Variants in SGCZ observed in about 807,000 individuals in gnomAD.
SGCZ encodes sarcoglycan zeta.
In SGCZ, 40 loss-of-function variants were observed where a neutral mutation model predicts 41.3. The observed-to-expected ratio is 0.97, with a 90% CI of 0.75 to 1.26. The LOEUF (loss-of-function observed/expected upper bound fraction) is 1.26, where lower values mean the gene tolerates loss of function less well. Among genes scored for constraint, SGCZ ranks in the 50% most tolerant of loss-of-function variants. The pLI is 0.00. For synonymous variants in SGCZ, 206 were observed against 137.5 expected (o/e 1.50, Z -3.49); for missense variants, 552 against 369.8 (o/e 1.49, Z -4.04).
intron 4 of SGCZ, among the ~76,000 whole-genome samples, chr8:14,223,161 T>C (rs181471086): frequency 2.0e-5 from 3 of 152,240 alleles, no homozygotes; most frequent in East Asian, 1.9e-4. Context: ...TTATCACAGA[T>C]ATATGGTTCC....
chr8:14,866,977 T>C (rs981452359), intron 1 of SGCZ, among the ~76,000 whole-genome samples: 4 of 152,094 alleles, frequency 2.6e-5, no homozygotes, highest in Non-Finnish European at 5.9e-5. Flanking sequence ...CTAGGATACA[T>C]GTATATGTAG....
chr8:14,445,814 C>T (rs1486070973), intron 2 of SGCZ, among the ~76,000 whole-genome samples: 1 of 152,258 alleles, frequency 6.6e-6, no homozygotes, highest in Non-Finnish European at 1.5e-5. Context: ...GGAATACTCC[C>T]TCTGGTTCTA....
At chr8:14,426,877 A>G (rs1231497995) in intron 2 of SGCZ, among the ~76,000 whole-genome samples, 2 of 152,184 alleles carry the variant, frequency 1.3e-5, no homozygotes, top group African/African-American at 4.8e-5. Context: ...AATGTCTAAG[A>G]TCAAATAAAG....
At chr8:14,677,449 T>A (rs1003050434) in intron 1 of SGCZ, among the ~76,000 whole-genome samples, 4 of 152,118 alleles carry the variant, frequency 2.6e-5, no homozygotes, top group African/African-American at 4.8e-5. Flanking sequence ...ACAAATTGAT[T>A]CTACATATTG....
chr8:14,636,951 TAAC>T (rs1730445824), intron 1 of SGCZ, among the ~76,000 whole-genome samples: 1 of 151,900 alleles, frequency 6.6e-6, no homozygotes, highest in African/African-American at 2.4e-5. Context: ...TGGCAGCATT[TAAC>T]ATTCTAGGTC....
At chr8:14,178,016 G>C (rs1488025945) in intron 4 of SGCZ, among the ~76,000 whole-genome samples, 1 of 124,972 alleles carries the variant, frequency 8.0e-6, no homozygotes. Context: ...GGAGTGCAGT[G>C]GCATGATCCC....
intron 1 of SGCZ, among the ~76,000 whole-genome samples, chr8:15,051,058 T>C (rs939229274): frequency 1.3e-5 from 2 of 152,180 alleles, no homozygotes; most frequent in Non-Finnish European, 2.9e-5. Flanking sequence ...GGTAGTTTAA[T>C]AGGTTTGATA....
intron 2 of SGCZ, among the ~76,000 whole-genome samples, chr8:14,497,668 C>T (rs1315912756): frequency 3.3e-5 from 5 of 151,890 alleles, no homozygotes; most frequent in African/African-American, 1.2e-4. Flanking sequence ...ACTCTTCTTC[C>T]AATGTGGCCC....
At chr8:15,082,555 G>C (rs145190189) in intron 1 of SGCZ, among the ~76,000 whole-genome samples, 8 of 152,016 alleles carry the variant, frequency 5.3e-5, no homozygotes, top group Admixed American at 5.2e-4. Context: ...AGGTCAGAAA[G>C]ACTGAGATCT....
intron 2 of SGCZ, among the ~76,000 whole-genome samples, chr8:14,549,224 C>G (rs138463228): frequency 1.7e-4 from 26 of 152,002 alleles, no homozygotes; most frequent in African/African-American, 6.0e-4. Flanking sequence ...TCAGACAGAG[C>G]TAGTAAATGG....
At chr8:14,789,661 C>T (rs901309846) in intron 1 of SGCZ, among the ~76,000 whole-genome samples, 1 of 152,128 alleles carries the variant, frequency 6.6e-6, no homozygotes, top group Non-Finnish European at 1.5e-5. Context: ...GACCTTTGTA[C>T]ATGCAGCTTG....
intron 1 of SGCZ, among the ~76,000 whole-genome samples, chr8:14,934,685 T>C (rs1800027193): frequency 6.6e-6 from 1 of 151,622 alleles, no homozygotes; most frequent in Non-Finnish European, 1.5e-5. Flanking sequence ...TAAGGGATAA[T>C]AATAAAGGAT....
chr8:15,221,204 T>C (rs1801589626), intron 1 of SGCZ, among the ~76,000 whole-genome samples: 1 of 151,846 alleles, frequency 6.6e-6, no homozygotes, highest in South Asian at 2.1e-4. Flanking sequence ...CTCTAAGAAG[T>C]CAAAATCAAC....
At chr8:14,093,329 C>T (rs1377604783) in intron 7 of SGCZ, among the ~76,000 whole-genome samples, 1 of 152,040 alleles carries the variant, frequency 6.6e-6, no homozygotes, top group Non-Finnish European at 1.5e-5. Flanking sequence ...TTAAGAAACG[C>T]AAATCAAATA....
intron 1 of SGCZ, among the ~76,000 whole-genome samples, chr8:15,104,051 T>C (rs1385936817): frequency 1.3e-5 from 2 of 152,154 alleles, no homozygotes; most frequent in Non-Finnish European, 2.9e-5. Context: ...GACAACCATA[T>C]TTGATGCCCA....
intron 2 of SGCZ, among the ~76,000 whole-genome samples, chr8:14,402,010 G>A (rs1470908512): frequency 1.3e-5 from 2 of 152,016 alleles, no homozygotes; most frequent in Admixed American, 1.3e-4. Context: ...TCTCATTGTG[G>A]TTTTGATTTG....
chr8:15,189,786 G>A (rs1187431528), intron 1 of SGCZ, among the ~76,000 whole-genome samples: 1 of 152,044 alleles, frequency 6.6e-6, no homozygotes, highest in Non-Finnish European at 1.5e-5. Flanking sequence ...CCTGACCTCA[G>A]GCAATCTGAC....
chr8:14,490,985 C>T (rs1801825343), intron 2 of SGCZ, among the ~76,000 whole-genome samples: 2 of 152,214 alleles, frequency 1.3e-5, no homozygotes, highest in East Asian at 3.9e-4. Context: ...AATTAAAAAC[C>T]TTGAAAATTA....
At position 14,796,954 on chromosome 8, in the gene SGCZ, T is replaced by G. The variant is rs7827386; in HGVS notation, c.40-242028A>C. On this transcript the variant is annotated intron_variant, in intron 1 of 7. Transcript: ENST00000382080. ...GATGAAGAGGTGACTTCTGCCATGA[T>G]TGTAAGTTTCCTGATGCCTCCCCAG... Among the ~76,000 whole-genome samples the G allele has an allele frequency of 3.7e-3, 556 of 152,288 alleles. 5 individuals are homozygous for G. Among genetic ancestry groups the G allele is most frequent in the African/African-American group, 0.013 (543 of 41,568 alleles).
Sources: allele counts gnomAD v4.1 joint callset (sites outside exome capture counted in the v4.1 genomes callset), GRCh38; gene constraint gnomAD v4.1.1; transcripts MANE v1.5; gene names NCBI Gene and HGNC (gene_info 2026-07-23, HGNC 2026-07-21).